DSE: variants seen among roughly 807,000 people sequenced by gnomAD.
DSE encodes dermatan-sulfate epimerase.
DSE carries 36 observed loss-of-function variants against 84.4 expected under a neutral mutation model. The ratio of observed to expected loss-of-function variants is 0.43; its 90% CI spans 0.33 to 0.56. The LOEUF (loss-of-function observed/expected upper bound fraction) is 0.56, where lower values mean the gene tolerates loss of function less well. DSE is among the 20% of genes least tolerant of loss of function. The pLI, the probability that DSE is intolerant of heterozygous loss-of-function variation, is 0.06. For missense variants in DSE, 862 were observed against 1,169.6 expected (o/e 0.74, Z 3.84); for synonymous variants, 410 against 430.1 (o/e 0.95, Z 0.58).
chr6:116,417,300 A>G (rs1237938801), intron 2 of DSE, among the ~76,000 whole-genome samples: 1 of 152,210 alleles, frequency 6.6e-6, no homozygotes, highest in Non-Finnish European at 1.5e-5. Flanking sequence ...GGGTAATAAC[A>G]CTTCATGTCA....
chr6:116,326,147 A>T lies in DSE; in HGVS notation c.-54+67180A>T, dbSNP rs988998626. On this transcript the variant is annotated intron_variant, in intron 2 of 3. Coordinates refer to the DSE transcript ENST00000430252. ...GATTTCATTTCTGCCTTTTAGTTTT[A>T]TCTTTTTCTTTCTTTGGAGGCAGAA... 7.2e-5 allele frequency among the ~76,000 whole-genome samples: 11 copies of T among 151,942 alleles called. No individual in the cohort carries two copies. In the East Asian group the frequency reaches 9.7e-4, roughly 13 times the overall value.
rs1028483328 is a variant in DSE, at chr6:116,439,337, C to T, written c.*1992C>T. 3 of 152,068 alleles carry T rather than the reference C, an allele frequency of 2.0e-5. No individual in the cohort carries two copies. In the East Asian group the frequency reaches 5.8e-4, roughly 29 times the overall value. 9.4% of individuals were successfully genotyped at this position (152,068 alleles called of 1,614,324 possible). On this transcript the variant is annotated 3_prime_UTR_variant, in exon 6 of 6. Coordinates refer to ENST00000644252, the MANE Select transcript of DSE (RefSeq NM_013352.4). ...GGTTAAGGCTTGACAATACGTTAGT[C>T]GCCACAGCATGATCCAGTGTAACAT... is the stretch of plus-strand genomic sequence containing the variant.
intron 2 of DSE, among the ~76,000 whole-genome samples, chr6:116,263,378 T>TA (rs59535459): frequency 2.0e-4 from 30 of 149,916 alleles, no homozygotes; most frequent in African/African-American, 7.0e-4. Flanking sequence ...TTTTTTTTTT[T>TA]ATCTTTGTTG....
chr6:116,424,123 A>G (rs142520096), intron 2 of DSE, among the ~76,000 whole-genome samples: 40 of 152,350 alleles, frequency 2.6e-4, no homozygotes, highest in Non-Finnish European at 4.1e-4. Flanking sequence ...AGTGCCATTT[A>G]TAGATGCATC....
At chr6:116,350,035 A>C (rs902039333) in intron 2 of DSE, among the ~76,000 whole-genome samples, 1 of 152,258 alleles carries the variant, frequency 6.6e-6, no homozygotes, top group Admixed American at 6.5e-5. Flanking sequence ...GTCTTTTTAA[A>C]AAAATACCTA....
chr6:116,394,886 A>G (rs1781141578), intron 1 of DSE, among the ~76,000 whole-genome samples: 1 of 152,242 alleles, frequency 6.6e-6, no homozygotes, highest in South Asian at 2.1e-4. Flanking sequence ...TATTAGTAGC[A>G]TCAGCTGCTG....
At chr6:116,433,090 T>C (rs1783944959) in intron 4 of DSE, 1 of 488,264 alleles carries the variant, frequency 2.0e-6, no homozygotes, top group East Asian at 3.8e-5. Context: ...GGAATAGGTG[T>C]AGCACTAATG....
intron 2 of DSE, among the ~76,000 whole-genome samples, chr6:116,275,824 T>C (rs960340797): frequency 4.0e-5 from 6 of 148,668 alleles, no homozygotes; most frequent in Non-Finnish European, 8.9e-5. Context: ...AAATGCTAGA[T>C]GCAATGAACC....
chr6:116,329,204 A>G (rs888594515), intron 2 of DSE, among the ~76,000 whole-genome samples: 2 of 152,192 alleles, frequency 1.3e-5, no homozygotes, highest in Admixed American at 1.3e-4. Context: ...GGACTCAGCT[A>G]TACTTGTTTA....
intron 2 of DSE, among the ~76,000 whole-genome samples, chr6:116,411,011 T>A (rs913589666): frequency 2.6e-5 from 4 of 152,166 alleles, no homozygotes; most frequent in African/African-American, 9.7e-5. Context: ...TGAGGAATGC[T>A]ATAAATAATA....
At chr6:116,392,430 G>A (rs927459220) in intron 1 of DSE, among the ~76,000 whole-genome samples, 4 of 152,192 alleles carry the variant, frequency 2.6e-5, no homozygotes, top group Admixed American at 6.5e-5. Context: ...ACTGGTTCTA[G>A]TGTGGGGGAT....
chr6:116,425,784 G>A (rs1398233486), intron 2 of DSE, among the ~76,000 whole-genome samples: 2 of 151,564 alleles, frequency 1.3e-5, no homozygotes, highest in South Asian at 2.1e-4. Flanking sequence ...CAACACGCCC[G>A]GCTAATTTTT....
chr6:116,431,061 G>A lies in DSE; in HGVS notation c.778G>A (p.Ala260Thr). The A allele has an allele frequency of 6.2e-7, 1 of 1,614,134 alleles. No individual in the cohort carries two copies. The highest frequency in any genetic ancestry group is 8.5e-7 in the Non-Finnish European group (1 of 1,180,024). The part of the protein sequence containing the change: ...VTDGSLYEGV[A>T]YGSYTTRSLF... ...GGATGGCTCCCTCTATGAAGGAGTT[G>A]CGTATGGCAGCTACACCACTAGATC... Residue 260 changes from alanine to threonine, a missense_variant, in exon 4 of 6, where the codon GCG (alanine) becomes ACG (threonine). Physicochemically the swap from Ala to Thr is moderately conservative, Grantham distance 58. Around this residue, in one of 4 missense-constraint regions of DSE, gnomAD observed 309 missense variants for 516.9 expected, o/e 0.60. Transcript: ENST00000644252.
intron 2 of DSE, among the ~76,000 whole-genome samples, chr6:116,361,518 T>C (rs1778887017): frequency 1.3e-5 from 2 of 152,148 alleles, no homozygotes; most frequent in African/African-American, 4.8e-5. Context: ...GAGCTGGGTG[T>C]GATGGTGCAC....
intron 2 of DSE, chr6:116,279,178 T>TCTTC (rs1370487036): frequency 6.2e-7 from 1 of 1,612,552 alleles, no homozygotes. Flanking sequence ...CCAGGGCCCT[T>TCTTC]CTTCCTCCCT....
At chr6:116,349,955 C>G (rs1414232101) in intron 2 of DSE, among the ~76,000 whole-genome samples, 1 of 152,134 alleles carries the variant, frequency 6.6e-6, no homozygotes, top group Admixed American at 6.5e-5. Context: ...TTGGCCATAA[C>G]CAAAAGCTCA....
At chr6:116,292,933 G>T (rs1239517896) in intron 2 of DSE, among the ~76,000 whole-genome samples, 1 of 152,158 alleles carries the variant, frequency 6.6e-6, no homozygotes, top group African/African-American at 2.4e-5. Flanking sequence ...GAAAGGATGT[G>T]TACCCAGTTG....
intron 2 of DSE, among the ~76,000 whole-genome samples, chr6:116,267,575 A>G (rs1369378560): frequency 2.0e-5 from 3 of 152,214 alleles, no homozygotes; most frequent in Non-Finnish European, 4.4e-5. Context: ...AAGTTAAAAC[A>G]TAAAGTAAAA....
At chr6:116,333,967 C>T (rs1777097072) in intron 2 of DSE, among the ~76,000 whole-genome samples, 1 of 152,074 alleles carries the variant, frequency 6.6e-6, no homozygotes, top group Non-Finnish European at 1.5e-5. Context: ...GCAAGAACCC[C>T]TCTCAAAAAC....
Sources: allele counts gnomAD v4.1 joint callset (sites outside exome capture counted in the v4.1 genomes callset), GRCh38; gene constraint gnomAD v4.1.1; regional missense constraint gnomAD v4.1.1; transcripts MANE v1.5; gene names NCBI Gene and HGNC (gene_info 2026-07-23, HGNC 2026-07-21).